Variants in RC3H2 observed in about 807,000 individuals in gnomAD.
The protein encoded by RC3H2 is roquin-2.
In RC3H2, 31 loss-of-function variants were observed where a neutral mutation model predicts 133.3. That is an observed-to-expected ratio of 0.23 (90% CI 0.17 to 0.31). The LOEUF is 0.31. Ranked by LOEUF, RC3H2 falls within the 10% of genes least tolerant of loss-of-function variation. RC3H2 has a pLI of 1.00. For missense variants in RC3H2, 1,175 were observed against 1,437.2 expected (o/e 0.82, Z 2.95); for synonymous variants, 517 against 502.2 (o/e 1.03, Z -0.40).
At chr9:122,859,473 A>G (rs1830376862) in intron 11 of RC3H2, among the ~76,000 whole-genome samples, 2 of 152,020 alleles carry the variant, frequency 1.3e-5, no homozygotes, top group Admixed American at 1.3e-4. Flanking sequence ...AAAACACACA[A>G]CAGAGCTATT....
At chr9:122,854,378 T>C in intron 16 of RC3H2, 112 bp from the exon 17 acceptor site, 3 of 1,202,650 alleles carry the variant, frequency 2.5e-6, no homozygotes, top group Non-Finnish European at 3.6e-6. Flanking sequence ...TCACTCATCG[T>C]TCCAAATTTA....
At chr9:122,885,817 C>T (rs1052011538) in intron 4 of RC3H2, among the ~76,000 whole-genome samples, 2 of 152,182 alleles carry the variant, frequency 1.3e-5, no homozygotes, top group Non-Finnish European at 2.9e-5. Flanking sequence ...ACTCTATACA[C>T]AGCCCCTGGC....
intron 18 of RC3H2, 189 bp downstream of exon 18, chr9:122,853,763 C>T (rs917116007): frequency 8.5e-6 from 12 of 1,417,332 alleles, no homozygotes; most frequent in South Asian, 1.5e-5. Context: ...ACAAAAATCC[C>T]GATGATCTAG....
intron 1 of RC3H2, among the ~76,000 whole-genome samples, chr9:122,902,101 T>G (rs1832678320): frequency 6.6e-6 from 1 of 151,988 alleles, no homozygotes; most frequent in South Asian, 2.1e-4. Context: ...AGCTAATTTT[T>G]TGTAATTTTA....
intron 20 of RC3H2, among the ~76,000 whole-genome samples, chr9:122,850,468 T>G (rs916521230): frequency 6.0e-5 from 6 of 100,448 alleles, no homozygotes; most frequent in Admixed American, 2.3e-4. Flanking sequence ...AATTTTGAGA[T>G]GGAGTCTCAG....
intron 20 of RC3H2, 93 bp downstream of exon 20, chr9:122,850,988 C>T: frequency 7.3e-7 from 1 of 1,378,408 alleles, no homozygotes; most frequent in Middle Eastern, 1.8e-4. Context: ...AAGGTCTTCC[C>T]CTCACAGCAT....
In RC3H2 at chr9:122,867,014, C is replaced by T. The variant is rs1174806698; in HGVS notation, c.1326-1357G>A. Among the ~76,000 whole-genome samples the T allele has an allele frequency of 3.7e-5, 5 of 133,746 alleles. No homozygotes were observed. In the East Asian group the frequency reaches 8.8e-4, roughly 23 times the overall value. 87.7% of individuals were successfully genotyped at this position (133,746 alleles called of 152,430 possible). On this transcript the variant is annotated intron_variant, in intron 9 of 20. Transcript: ENST00000357244. ...GATGTGGGGAGCGCCTTTGCCCCACCGCCCCGTCTGGGATGTGAGGAGCGC... is the reference window on the plus strand; with the variant it reads ...GATGTGGGGAGCGCCTTTGCCCCACTGCCCCGTCTGGGATGTGAGGAGCGC...
chr9:122,861,893 A>G (rs1049972686), intron 10 of RC3H2, among the ~76,000 whole-genome samples: 1 of 152,238 alleles, frequency 6.6e-6, no homozygotes, highest in Non-Finnish European at 1.5e-5. Flanking sequence ...TTTAGAGTAT[A>G]AAGATATTTT....
chr9:122,855,126 A>G, intron 15 of RC3H2, 58 bp downstream of exon 15: 2 of 1,317,550 alleles, frequency 1.5e-6, no homozygotes, highest in African/African-American at 3.0e-5. Flanking sequence ...TAAAAAAAAA[A>G]AAAAAAAAGG....
chr9:122,883,264 C>T lies in RC3H2; in HGVS notation c.699G>A (p.Gln233=). 1 of 1,613,548 alleles carries T rather than the reference C, an allele frequency of 6.2e-7. No individual in the cohort carries two copies. Among genetic ancestry groups the T allele is most frequent in the Non-Finnish European group, 8.5e-7 (1 of 1,179,800 alleles). Residue 233 remains glutamine, a synonymous_variant, in exon 5 of 21, where the codon CAG becomes CAA. Transcript: ENST00000357244. ...VVQRLEPRFP[Q]ASKTSIGHVV... The stretch of plus-strand genomic sequence containing the variant: ...CATGACCAATACTTGTTTTTGATGC[C>T]TGAGGAAATCTTGGTTCTAGTCTCT...
chr9:122,899,394 G>A (rs553149354), intron 1 of RC3H2, among the ~76,000 whole-genome samples: 11 of 151,846 alleles, frequency 7.2e-5, no homozygotes, highest in Non-Finnish European at 1.5e-4. Flanking sequence ...CCGGCCCTGC[G>A]CTTTTATATT....
Position 122,859,120 on chromosome 9 carries a change from G to T in RC3H2, c.1850-18C>A. ...ATAGTATCCTTGAAAATTGGAAAGA[G>T]GAATATTTAATGTAATCTTAGTACA... On this transcript the variant is annotated intron_variant, in intron 11 of 20. Transcript: ENST00000357244. 1.3e-6 allele frequency: 2 copies of T among 1,516,858 alleles called. No individual in the cohort carries two copies. Among genetic ancestry groups the T allele is most frequent in the South Asian group, 1.3e-5 (1 of 76,200 alleles). 94.0% of individuals were successfully genotyped at this position (1,516,858 alleles called of 1,614,324 possible). A position where few individuals can be genotyped will look rare whatever the true frequency, so the allele number is the denominator to read the frequency against.
At chr9:122,904,048 C>A (rs1279146271) in intron 1 of RC3H2, among the ~76,000 whole-genome samples, 1 of 152,152 alleles carries the variant, frequency 6.6e-6, no homozygotes, top group Non-Finnish European at 1.5e-5. Flanking sequence ...GCAACGTTAG[C>A]TTTCTCAGGT....
chr9:122,855,420 A>G (rs771544174), intron 14 of RC3H2, 23 bp from the exon 15 acceptor site: 3 of 1,589,992 alleles, frequency 1.9e-6, no homozygotes, highest in East Asian at 2.2e-5. Flanking sequence ...AAGAAAATCA[A>G]TAAAAGGACT....
At chr9:122,862,641 T>A (rs912441540) in intron 10 of RC3H2, among the ~76,000 whole-genome samples, 2 of 152,196 alleles carry the variant, frequency 1.3e-5, no homozygotes, top group African/African-American at 4.8e-5. Flanking sequence ...ACACCTGTAA[T>A]CCCAGCCTTT....
intron 4 of RC3H2, among the ~76,000 whole-genome samples, chr9:122,884,465 A>G (rs1831807894): frequency 6.6e-6 from 1 of 152,200 alleles, no homozygotes; most frequent in Admixed American, 6.5e-5. Flanking sequence ...AAACCCAAAG[A>G]AGGTATTAAT....
intron 10 of RC3H2, 122 bp downstream of exon 10, chr9:122,865,227 C>T: frequency 2.2e-6 from 2 of 900,020 alleles, no homozygotes; most frequent in Non-Finnish European, 3.3e-6. Flanking sequence ...GTTTCTTCTA[C>T]ATCACAAAAT....
intron 5 of RC3H2, 38 bp downstream of exon 5, chr9:122,883,166 C>T: frequency 1.3e-6 from 2 of 1,576,536 alleles, no homozygotes; most frequent in Non-Finnish European, 1.7e-6. Context: ...CTCTGTCTCA[C>T]AAACAGGCAT....
In RC3H2 at chr9:122,854,569, A is replaced by G. The variant is rs768169909; in HGVS notation, c.2862T>C (p.Tyr954=). ...GTGCTGATGATGTGGCCTCGTTGCC[A>G]TATGAACTCCACCTTGAATCAACAG... ...VNAVDSRWSS[Y]GNEATSSAHY... Residue 954 remains tyrosine, a synonymous_variant, in exon 16 of 21, where the codon TAT becomes TAC. Coordinates refer to ENST00000357244, the MANE Select transcript of RC3H2 (RefSeq NM_001100588.3). 3.7e-6 allele frequency: 6 copies of G among 1,613,698 alleles called. No homozygotes were observed. Among genetic ancestry groups the G allele is most frequent in the African/African-American group, 2.7e-5 (2 of 74,938 alleles).
Sources: allele counts gnomAD v4.1 joint callset (sites outside exome capture counted in the v4.1 genomes callset), GRCh38; gene constraint gnomAD v4.1.1; transcripts MANE v1.5; gene names NCBI Gene and HGNC (gene_info 2026-07-23, HGNC 2026-07-21).